ALPK1: variants seen among roughly 807,000 people sequenced by gnomAD.
ALPK1 encodes alpha kinase 1, also known as alpha-protein kinase 1.
A neutral mutation model predicts 120.6 loss-of-function variants in ALPK1; 110 were observed. The observed-to-expected ratio is 0.91, with a 90% CI of 0.78 to 1.07. ALPK1 has a LOEUF of 1.07. Among genes scored for constraint, ALPK1 ranks in the 50% least tolerant of loss-of-function variants. ALPK1 has a pLI of 0.00. For synonymous variants in ALPK1, 582 were observed against 560.3 expected (o/e 1.04, Z -0.55); for missense variants, 1,498 against 1,483.9 (o/e 1.01, Z -0.16).
intron 3 of ALPK1, 148 bp from the exon 4 acceptor site, chr4:112,382,250 C>T: frequency 9.9e-7 from 1 of 1,011,476 alleles, no homozygotes; most frequent in Non-Finnish European, 1.4e-6. Flanking sequence ...GAACCAACAG[C>T]TTAGACCAGC....
intron 2 of ALPK1, among the ~76,000 whole-genome samples, chr4:112,353,501 T>C (rs1443210809): frequency 6.6e-6 from 1 of 152,216 alleles, no homozygotes; most frequent in Admixed American, 6.5e-5. Context: ...GTTCCAATAA[T>C]GGTGACTTGG....
intron 2 of ALPK1, among the ~76,000 whole-genome samples, chr4:112,360,316 T>C (rs1730857656): frequency 6.6e-6 from 1 of 152,214 alleles, no homozygotes; most frequent in African/African-American, 2.4e-5. Context: ...ATTTTCTTTG[T>C]CCATTTATCC....
chr4:112,408,779 AC>A (rs1733314910), intron 4 of ALPK1, among the ~76,000 whole-genome samples: 1 of 152,000 alleles, frequency 6.6e-6, no homozygotes, highest in African/African-American at 2.4e-5. Flanking sequence ...CAGCCAACAG[AC>A]TTTTTCTCAT....
chr4:112,314,219 G>A (rs776568871), intron 1 of ALPK1, among the ~76,000 whole-genome samples: 1 of 152,180 alleles, frequency 6.6e-6, no homozygotes, highest in Admixed American at 6.5e-5. Flanking sequence ...GGAGCCTGTG[G>A]AAGTCCTCGT....
intron 1 of ALPK1, among the ~76,000 whole-genome samples, chr4:112,301,982 C>T (rs1393530902): frequency 6.6e-6 from 1 of 152,102 alleles, no homozygotes; most frequent in African/African-American, 2.4e-5. Flanking sequence ...TCTCCAAAAC[C>T]CTTCTCCTCC....
chr4:112,424,639 G>A (rs1734153669), intron 6 of ALPK1, among the ~76,000 whole-genome samples: 1 of 152,134 alleles, frequency 6.6e-6, no homozygotes, highest in Non-Finnish European at 1.5e-5. Flanking sequence ...TTGGATGTGA[G>A]GTCTCAAACT....
At chr4:112,302,913 A>G (rs1727854511) in intron 1 of ALPK1, among the ~76,000 whole-genome samples, 1 of 152,138 alleles carries the variant, frequency 6.6e-6, no homozygotes, top group Non-Finnish European at 1.5e-5. Flanking sequence ...GAACTTACTT[A>G]CATTCATGTA....
Position 112,332,457 on chromosome 4 carries a change from A to G in ALPK1, c.-101+16605A>G, listed in dbSNP as rs539998746. On this transcript the variant is annotated intron_variant, in intron 2 of 15. Coordinates refer to ENST00000650871, the MANE Select transcript of ALPK1 (RefSeq NM_025144.4). The stretch of plus-strand genomic sequence containing the variant: ...ATTTTTCTCTTATCCTTAGTCACAT[A>G]TATGTCTTGCCAAGGCATTTTGTGT... 3.9e-5 allele frequency among the ~76,000 whole-genome samples: 6 copies of G among 152,316 alleles called. No individual in the cohort carries two copies. The East Asian group carries it at 9.6e-4, about 24-fold the overall frequency.
At chr4:112,406,384 G>A (rs1445066082) in intron 4 of ALPK1, among the ~76,000 whole-genome samples, 1 of 152,206 alleles carries the variant, frequency 6.6e-6, no homozygotes, top group African/African-American at 2.4e-5. Context: ...GACTAATGCT[G>A]TATGATTCCA....
chr4:112,298,901 A>G (rs1327770030), intron 1 of ALPK1, among the ~76,000 whole-genome samples: 1 of 152,164 alleles, frequency 6.6e-6, no homozygotes, highest in East Asian at 1.9e-4. Context: ...CTTTCCCATG[A>G]ACACAAGGCA....
chr4:112,409,104 T>C (rs952963324), intron 4 of ALPK1, among the ~76,000 whole-genome samples: 6 of 152,082 alleles, frequency 3.9e-5, no homozygotes, highest in Non-Finnish European at 8.8e-5. Context: ...GCAAATTCTT[T>C]CTATATTTTT....
At chr4:112,440,816 T>A (rs1437038298) in intron 14 of ALPK1, 101 bp from the exon 15 acceptor site, 10 of 1,416,298 alleles carry the variant, frequency 7.1e-6, no homozygotes, top group Non-Finnish European at 9.3e-6. Context: ...TCTTTAAGTG[T>A]GTGTGTGTGT....
chr4:112,328,843 G>A (rs1165907852), intron 2 of ALPK1, among the ~76,000 whole-genome samples: 1 of 152,150 alleles, frequency 6.6e-6, no homozygotes, highest in Non-Finnish European at 1.5e-5. Context: ...CTGTGAAACA[G>A]CCCAACATCC....
chr4:112,361,116 G>A (rs1443936861), intron 2 of ALPK1, among the ~76,000 whole-genome samples: 2 of 151,678 alleles, frequency 1.3e-5, no homozygotes, highest in Non-Finnish European at 2.9e-5. Flanking sequence ...CTCTCACTCA[G>A]ATGGACAGAA....
intron 4 of ALPK1, among the ~76,000 whole-genome samples, chr4:112,391,480 C>A (rs549364127): frequency 3.3e-5 from 5 of 152,156 alleles, no homozygotes; most frequent in Non-Finnish European, 5.9e-5. Context: ...TCTTATCCCT[C>A]GGTACCTCAG....
In ALPK1 at chr4:112,431,647, A is replaced by G; in HGVS notation, c.2100A>G (p.Glu700=). The change falls in exon 11 of 16, where the codon GAA becomes GAG. Residue 700 remains glutamate (E), a synonymous_variant. Transcript: ENST00000650871. ...AAGGAGCTCCAGAAGGTATCCAGGA[A>G]GTCAGAAATATGGGACCCAGAAATA... ...LLEGAPEGIQ[E]VRNMGPRNTS... is the part of the protein sequence containing the mutation. 1 of 1,614,218 alleles carries G rather than the reference A, an allele frequency of 6.2e-7. No individual in the cohort carries two copies. The highest frequency in any genetic ancestry group is 8.5e-7 in the Non-Finnish European group (1 of 1,180,026).
At position 112,438,612 on chromosome 4, in the gene ALPK1, C is replaced by T. The variant is rs377648431; in HGVS notation, c.3317C>T (p.Thr1106Ile). 157 of 1,613,706 alleles carry T rather than the reference C, an allele frequency of 9.7e-5. No homozygotes were observed. Among genetic ancestry groups the T allele is most frequent in the Non-Finnish European group, 1.3e-4 (154 of 1,179,794 alleles). The change falls in exon 13 of 16, where the codon ACC (threonine) becomes ATC (isoleucine). Residue 1106 changes from threonine to isoleucine, a missense_variant. Physicochemically the swap from Thr to Ile is moderately conservative, Grantham distance 89. Transcript: ENST00000650871. ...NKRLYEQNIP[T>I]QIFYIPSTIL... The stretch of plus-strand genomic sequence containing the variant: ...AGACTCTATGAACAAAACATTCCCA[C>T]CCAGATATTCTACATCCCATCCACA...
At position 112,313,485 on chromosome 4, in the gene ALPK1, G is replaced by A. The variant is rs899092698; in HGVS notation, c.-152-2316G>A. Among the ~76,000 whole-genome samples the A allele has an allele frequency of 2.0e-5, 3 of 152,346 alleles. No homozygotes were observed. In the East Asian group the frequency reaches 5.8e-4, roughly 29 times the overall value. On this transcript the variant is annotated intron_variant, in intron 1 of 15. Coordinates refer to ENST00000650871, the MANE Select transcript of ALPK1 (RefSeq NM_025144.4). The stretch of plus-strand genomic sequence containing the variant: ...CGCCTGTAATCCCAACAGTTTGGGA[G>A]GCCGGGGCAGGTGAATCACTTGAGG...
At chr4:112,423,188 TGAA>T (rs750748558) in intron 5 of ALPK1, among the ~76,000 whole-genome samples, 2 of 152,186 alleles carry the variant, frequency 1.3e-5, no homozygotes, top group Admixed American at 1.3e-4. Flanking sequence ...AGCAAAGACC[TGAA>T]GAAGAAGAGA....
Sources: gnomAD v4.1 joint callset for allele counts (sites outside exome capture counted in the v4.1 genomes callset) on GRCh38, gnomAD v4.1.1 for gene constraint, MANE v1.5 for transcripts, NCBI Gene and HGNC (gene_info 2026-07-23, HGNC 2026-07-21) for gene names.